The following SDK2 variants were observed in gnomAD, a reference collection of about 807,000 sequenced individuals.
The protein encoded by SDK2 is sidekick cell adhesion molecule 2.
Under a neutral mutation model 253.9 loss-of-function variants are expected in SDK2, and 105 were observed. That is an observed-to-expected ratio of 0.41 (90% CI 0.35 to 0.49). The LOEUF is 0.49. SDK2 is among the 20% of genes least tolerant of loss of function. SDK2 has a pLI of 0.06. For missense variants in SDK2, 2,608 were observed against 3,003.0 expected (o/e 0.87, Z 3.07); for synonymous variants, 1,249 against 1,234.9 (o/e 1.01, Z -0.24).
At chr17:73,401,282 C>T in intron 20 of SDK2, 71 bp from the exon 21 acceptor site, 1 of 1,352,082 alleles carries the variant, frequency 7.4e-7, no homozygotes, top group Non-Finnish European at 1.0e-6. Context: ...TACTCCACTT[C>T]TCACTTCTCC....
At chr17:73,350,918 G>T in intron 41 of SDK2, 128 bp from the exon 42 acceptor site, 1 of 943,862 alleles carries the variant, frequency 1.1e-6, no homozygotes, top group Non-Finnish European at 1.6e-6. Context: ...TCCGAATGAG[G>T]CAGAACCTCT....
Position 73,570,114 on chromosome 17 carries a change from G to GC in SDK2, c.65-62518dup, listed in dbSNP as rs1211838387. On this transcript the variant is annotated intron_variant, in intron 1 of 44. Transcript: ENST00000392650. This position sits in a 1 kb window ranked among gnomAD's most constrained non-coding sequence, Gnocchi z 4.2. ...ACTCTCCCCAGAGCCCCTCGGGACG[G>GC]CCCCCCAGAGCCCCTCTTGGGGAGA... Among the ~76,000 whole-genome samples the GC allele has an allele frequency of 6.6e-6, 1 of 152,038 alleles. No homozygotes were observed. Among genetic ancestry groups the GC allele is most frequent in the African/African-American group, 2.4e-5 (1 of 41,390 alleles).
intron 1 of SDK2, among the ~76,000 whole-genome samples, chr17:73,619,727 G>A (rs942767396): frequency 3.3e-5 from 5 of 152,108 alleles, no homozygotes; most frequent in Non-Finnish European, 5.9e-5. Context: ...ATGTAAGGTG[G>A]ACTTCATCAA....
Position 73,379,076 on chromosome 17 carries a change from G to A in SDK2, c.4980+101C>T, listed in dbSNP as rs2062808539. The A allele has an allele frequency of 3.7e-6, 3 of 821,440 alleles. No homozygotes were observed. Among genetic ancestry groups the A allele is most frequent in the South Asian group, 1.7e-5 (1 of 60,030 alleles). 50.9% of individuals were successfully genotyped at this position (821,440 alleles called of 1,614,324 possible). ...CCGAGGAGCTGGCTGGATGAATGGA[G>A]GGCCTGGGGACCTGCCTGCCTCCCA... is the stretch of plus-strand genomic sequence containing the variant. On this transcript the variant is annotated intron_variant, in intron 36 of 44. Coordinates refer to ENST00000392650, the MANE Select transcript of SDK2 (RefSeq NM_001144952.2). The surrounding 1 kb of genome is among the most constrained non-coding windows in gnomAD (Gnocchi z 4.5).
intron 1 of SDK2, among the ~76,000 whole-genome samples, chr17:73,611,697 G>C (rs2045976933): frequency 6.6e-6 from 1 of 152,202 alleles, no homozygotes; most frequent in African/African-American, 2.4e-5. Context: ...TTAGGGTGCA[G>C]TGAGAGGGTC....
intron 2 of SDK2, among the ~76,000 whole-genome samples, chr17:73,478,750 G>A (rs1045724262): frequency 6.6e-6 from 1 of 152,236 alleles, no homozygotes; most frequent in African/African-American, 2.4e-5. Flanking sequence ...TATTTAAAAT[G>A]ATTCTTACTC....
At chr17:73,500,000 G>A (rs1222028043) in intron 2 of SDK2, among the ~76,000 whole-genome samples, 1 of 152,030 alleles carries the variant, frequency 6.6e-6, no homozygotes, top group African/African-American at 2.4e-5. Context: ...ACCAAGGTGG[G>A]ACAAAATCAT....
chr17:73,576,789 G>A (rs2045463851), intron 1 of SDK2, among the ~76,000 whole-genome samples: 1 of 152,198 alleles, frequency 6.6e-6, no homozygotes, highest in African/African-American at 2.4e-5. Context: ...TACAGCCACT[G>A]CTATAAAACC....
At chr17:73,519,020 G>A (rs1049375837) in intron 1 of SDK2, 6 of 152,232 alleles carry the variant, frequency 3.9e-5, no homozygotes, top group Non-Finnish European at 8.8e-5. Context: ...CATCCCCTAA[G>A]CCTGGGGACT....
rs2046090860 is a variant in SDK2 at position 73,618,731 on chromosome 17, A to G, written c.64+25294T>C. Among the ~76,000 whole-genome samples the G allele has an allele frequency of 6.6e-6, 1 of 152,196 alleles. No individual in the cohort carries two copies. The highest frequency in any genetic ancestry group is 1.5e-5 in the Non-Finnish European group (1 of 68,032). On this transcript the variant is annotated intron_variant, in intron 1 of 44. Transcript: ENST00000392650. This position sits in a 1 kb window ranked among gnomAD's most constrained non-coding sequence, Gnocchi z 4.1. ...TTCCTATTCCCCGATCACCCCTGCC[A>G]TCCTCACGGCCAAGGAAAGCAATGC... is the stretch of plus-strand genomic sequence containing the variant.
In SDK2 at chr17:73,578,691, A is replaced by T. The variant is rs530915269; in HGVS notation, c.64+65334T>A. ...CAGAGGACACTCAGGTCAAAGGGTCAGGGGCAGGGATTGGGGTTGGGCCAA... is the reference window on the plus strand; with the variant it reads ...CAGAGGACACTCAGGTCAAAGGGTCTGGGGCAGGGATTGGGGTTGGGCCAA... On this transcript the variant is annotated intron_variant, in intron 1 of 44. Coordinates refer to ENST00000392650, the MANE Select transcript of SDK2 (RefSeq NM_001144952.2). Among the ~76,000 whole-genome samples, 101 of 152,284 alleles carry T rather than the reference A, an allele frequency of 6.6e-4. 1 individual carries two copies. The highest frequency in any genetic ancestry group is 2.4e-3 in the African/African-American group (98 of 41,578).
chr17:73,461,880 T>C (rs2063564623), intron 3 of SDK2, among the ~76,000 whole-genome samples: 1 of 152,114 alleles, frequency 6.6e-6, no homozygotes, highest in Admixed American at 6.6e-5. Flanking sequence ...GATGGATGGT[T>C]GTATGTAGCT....
At position 73,534,115 on chromosome 17, in the gene SDK2, C is replaced by T. The variant is rs377186019; in HGVS notation, c.65-26518G>A. Reference sequence around the variant, plus strand: ...CCTCCTCCTCCTTCCCACTCTCCTTCCAATAAGCCCCTAGAAGGCCTGGGG... The same window carrying T: ...CCTCCTCCTCCTTCCCACTCTCCTTTCAATAAGCCCCTAGAAGGCCTGGGG... On this transcript the variant is annotated intron_variant, in intron 1 of 44. Transcript: ENST00000392650. The surrounding 1 kb of genome is among the most constrained non-coding windows in gnomAD (Gnocchi z 4.9). 3.3e-5 allele frequency among the ~76,000 whole-genome samples: 5 copies of T among 152,270 alleles called. No individual in the cohort carries two copies. Among genetic ancestry groups the T allele is most frequent in the African/African-American group, 9.6e-5 (4 of 41,568 alleles).
Position 73,368,397 on chromosome 17 carries a change from C to G in SDK2, c.5167+10G>C. ...CCTACCCCTCCCCTCCTCAGGGCCCCCTCTCCCACCTGCTTGCTGGGTCTG... is the reference window on the plus strand; with the variant it reads ...CCTACCCCTCCCCTCCTCAGGGCCCGCTCTCCCACCTGCTTGCTGGGTCTG... On this transcript the variant is annotated intron_variant, in intron 37 of 44. Transcript: ENST00000392650. 2.7e-6 allele frequency: 4 copies of G among 1,508,748 alleles called. No homozygotes were observed. Among genetic ancestry groups the G allele is most frequent in the Non-Finnish European group, 3.6e-6 (4 of 1,125,182 alleles). The allele number at this position is 1,508,748 out of a possible 1,614,324, so 93.5% of individuals were successfully genotyped here. A position where few individuals can be genotyped will look rare whatever the true frequency, so the allele number is the denominator to read the frequency against.
chr17:73,555,861 T>A (rs533142474), intron 1 of SDK2, among the ~76,000 whole-genome samples: 1 of 152,274 alleles, frequency 6.6e-6, no homozygotes, highest in South Asian at 2.1e-4. Context: ...TGGGGAGGTT[T>A]GGCGGCTTGA....
intron 18 of SDK2, among the ~76,000 whole-genome samples, chr17:73,403,353 G>A (rs558253223): frequency 1.3e-4 from 20 of 152,188 alleles, no homozygotes; most frequent in African/African-American, 3.9e-4. Context: ...GCGGGGCATC[G>A]GCAAGAAAGT....
At chr17:73,402,242 A>G (rs1265484253) in intron 18 of SDK2, 101 bp from the exon 19 acceptor site, 1 of 1,281,482 alleles carries the variant, frequency 7.8e-7, no homozygotes, top group African/African-American at 1.5e-5. Context: ...GTGTCCGGGG[A>G]CCGGAGTCCC....
chr17:73,411,008 A>C (rs947663678), intron 18 of SDK2, among the ~76,000 whole-genome samples: 4 of 152,216 alleles, frequency 2.6e-5, no homozygotes, highest in African/African-American at 9.7e-5. Context: ...GCAAGAAGCT[A>C]ATTGTTCCCA....
intron 10 of SDK2, 147 bp downstream of exon 10, chr17:73,433,585 G>A (rs948827313): frequency 2.2e-4 from 131 of 602,000 alleles, no homozygotes; most frequent in Non-Finnish European, 3.3e-4. Flanking sequence ...CACCGCGCCC[G>A]GCCGAGAGAT....
Sources: gnomAD v4.1 joint callset for allele counts (sites outside exome capture counted in the v4.1 genomes callset) on GRCh38, gnomAD v4.1.1 for gene constraint, Gnocchi (gnomAD v3.1) non-coding constraint, MANE v1.5 for transcripts, NCBI Gene and HGNC (gene_info 2026-07-23, HGNC 2026-07-21) for gene names.